Variants in MACC1 observed in about 807,000 individuals in gnomAD.
MACC1 encodes the protein metastasis-associated in colon cancer protein 1.
In MACC1, 79 loss-of-function variants were observed where a neutral mutation model predicts 70.7. The observed-to-expected ratio is 1.12, with a 90% confidence interval of 0.93 to 1.35. MACC1 has a LOEUF of 1.35. MACC1 is among the 40% of genes most tolerant of loss of function. MACC1 has a pLI of 0.00. For synonymous variants in MACC1, 361 were observed against 347.2 expected (o/e 1.04, Z -0.44); for missense variants, 1,106 against 978.1 (o/e 1.13, Z -1.74).
chr7:20,182,835 C>A (rs1488458275), intron 1 of MACC1, among the ~76,000 whole-genome samples: 4 of 152,120 alleles, frequency 2.6e-5, no homozygotes, highest in Non-Finnish European at 4.4e-5. Context: ...ATCCCATTAA[C>A]AATAGCAGCA....
intron 1 of MACC1, among the ~76,000 whole-genome samples, chr7:20,207,089 G>A (rs1782923666): frequency 6.6e-6 from 1 of 151,612 alleles, no homozygotes; most frequent in Non-Finnish European, 1.5e-5. Context: ...TTATTTTTAG[G>A]ATAATCTTTC....
At chr7:20,197,507 T>C (rs981416749) in intron 1 of MACC1, among the ~76,000 whole-genome samples, 2 of 152,246 alleles carry the variant, frequency 1.3e-5, no homozygotes, top group Admixed American at 1.3e-4. Context: ...TTTTTACATG[T>C]TGTCCTGGCT....
rs571285511 is a variant in MACC1, at chr7:20,137,670, A to G, written c.*3276T>C. On this transcript the variant is annotated 3_prime_UTR_variant, in exon 7 of 7. Coordinates refer to ENST00000400331, the MANE Select transcript of MACC1 (RefSeq NM_182762.4). The stretch of plus-strand genomic sequence containing the variant: ...CTTTTAATGATGTCAAAGATGGTAT[A>G]TAAGTGCCTTATTATTTCATTGACT... 7 of 152,364 alleles carry G rather than the reference A, an allele frequency of 4.6e-5. No homozygotes were observed. The East Asian group carries it at 1.3e-3, about 29-fold the overall frequency. 9.4% of individuals were successfully genotyped at this position (152,364 alleles called of 1,614,324 possible). A position where few individuals can be genotyped will look rare whatever the true frequency, so the allele number is the denominator to read the frequency against.
chr7:20,186,892 T>C (rs1227540548), intron 1 of MACC1, among the ~76,000 whole-genome samples: 3 of 152,180 alleles, frequency 2.0e-5, no homozygotes, highest in African/African-American at 4.8e-5. Context: ...GCATAACGTA[T>C]GCTTAGGAGA....
At chr7:20,204,106 G>C (rs1583411677) in intron 1 of MACC1, among the ~76,000 whole-genome samples, 1 of 152,128 alleles carries the variant, frequency 6.6e-6, no homozygotes, top group East Asian at 1.9e-4. Context: ...CTATATTTGG[G>C]TACATATTGA....
chr7:20,209,759 G>A (rs570260587), intron 1 of MACC1, among the ~76,000 whole-genome samples: 3 of 152,274 alleles, frequency 2.0e-5, no homozygotes, highest in African/African-American at 7.2e-5. Flanking sequence ...AAATGATACG[G>A]TTGTGGCTGT....
At chr7:20,171,863 A>T (rs1487021431) in intron 1 of MACC1, among the ~76,000 whole-genome samples, 2 of 152,160 alleles carry the variant, frequency 1.3e-5, no homozygotes, top group African/African-American at 2.4e-5. Context: ...CATCTTCAAA[A>T]TTTCACTTAT....
At chr7:20,179,305 T>C (rs1421047869) in intron 1 of MACC1, among the ~76,000 whole-genome samples, 1 of 152,236 alleles carries the variant, frequency 6.6e-6, no homozygotes, top group African/African-American at 2.4e-5. Context: ...AATTAATTCA[T>C]TTTGATTAAG....
chr7:20,136,292 A>G lies in MACC1; in HGVS notation c.*4654T>C, dbSNP rs1172391965. ...AGCCTTTCATGCTGTACTCATTATG[A>G]CAACAACAATATTTTCTATGAAATT... On this transcript the variant is annotated 3_prime_UTR_variant, in exon 7 of 7. Transcript: ENST00000400331. 6.6e-6 allele frequency: 1 copy of G among 152,186 alleles called. No homozygotes were observed. 9.4% of individuals were successfully genotyped at this position (152,186 alleles called of 1,614,324 possible). A position where few individuals can be genotyped will look rare whatever the true frequency, so the allele number is the denominator to read the frequency against.
intron 1 of MACC1, among the ~76,000 whole-genome samples, chr7:20,202,313 G>A (rs1782845055): frequency 6.6e-6 from 1 of 152,208 alleles, no homozygotes; most frequent in African/African-American, 2.4e-5. Flanking sequence ...ACAGATACAA[G>A]ATTGTGTTTT....
intron 1 of MACC1, among the ~76,000 whole-genome samples, chr7:20,172,659 G>T (rs1268893770): frequency 6.6e-6 from 1 of 152,142 alleles, no homozygotes; most frequent in African/African-American, 2.4e-5. Context: ...AATAGAATAG[G>T]CAGAATTGTC....
Position 20,158,863 on chromosome 7 carries a change from A to C in MACC1, c.1498T>G (p.Phe500Val). The stretch of plus-strand genomic sequence containing the variant: ...GTTGGATCAGGAGTAGTGATAGAGA[A>C]CTGTGCAACTGGTTCACCATTGGGA... The part of the protein sequence containing the change: ...EPPNGEPVAQ[F>V]SITTPDPTPN... Residue 500 changes from phenylalanine (F) to valine (V), a missense_variant, in exon 5 of 7, where the codon TTC becomes GTC. Transcript: ENST00000400331. The C allele has an allele frequency of 6.2e-7, 1 of 1,614,144 alleles. No homozygotes were observed. Among genetic ancestry groups the C allele is most frequent in the Admixed American group, 1.7e-5 (1 of 60,008 alleles).
rs756605380 is a variant in MACC1, at chr7:20,214,766, A to G, written c.-218+2533T>C. Among the ~76,000 whole-genome samples, 61 of 152,320 alleles carry G rather than the reference A, an allele frequency of 4.0e-4. No individual in the cohort carries two copies. The Middle Eastern group carries it at 0.017, about 42-fold the overall frequency. Reference sequence around the variant, plus strand: ...TGAAGAATTGAAACTAAGTCAAAAAATATAACTTTCTCAATCTGTAATCTT... The same window carrying G: ...TGAAGAATTGAAACTAAGTCAAAAAGTATAACTTTCTCAATCTGTAATCTT... On this transcript the variant is annotated intron_variant, in intron 1 of 6. Transcript: ENST00000400331.
At chr7:20,185,071 T>C (rs1165117212) in intron 1 of MACC1, 1 of 152,162 alleles carries the variant, frequency 6.6e-6, no homozygotes, top group Non-Finnish European at 1.5e-5. Context: ...CCATTACTTT[T>C]CAATCTCCTG....
chr7:20,207,336 G>A (rs1782927728), intron 1 of MACC1, among the ~76,000 whole-genome samples: 1 of 150,216 alleles, frequency 6.7e-6, no homozygotes, highest in African/African-American at 2.5e-5. Flanking sequence ...TTTTTTAGTA[G>A]AGACGGGGTT....
intron 1 of MACC1, among the ~76,000 whole-genome samples, chr7:20,192,195 A>C (rs1243343249): frequency 6.6e-6 from 1 of 152,142 alleles, no homozygotes; most frequent in Admixed American, 6.5e-5. Context: ...TTATATCTTT[A>C]TTATTCTTTC....
chr7:20,204,200 G>A (rs780662517), intron 1 of MACC1, among the ~76,000 whole-genome samples: 3 of 152,034 alleles, frequency 2.0e-5, no homozygotes, highest in South Asian at 4.1e-4. Context: ...TGTTGCACAG[G>A]CTGGAGTGTA....
chr7:20,152,727 T>C (rs1216681737), intron 6 of MACC1, among the ~76,000 whole-genome samples: 2 of 152,178 alleles, frequency 1.3e-5, no homozygotes, highest in Non-Finnish European at 2.9e-5. Context: ...TTTGCTGGCC[T>C]CCATCAAGAT....
At chr7:20,143,690 T>G (rs796071475) in intron 6 of MACC1, among the ~76,000 whole-genome samples, 82 of 152,232 alleles carry the variant, frequency 5.4e-4, no homozygotes, top group African/African-American at 1.9e-3. Context: ...CGCCCAGCCC[T>G]ACATTTGGCA....
Sources: allele counts gnomAD v4.1 joint callset (sites outside exome capture counted in the v4.1 genomes callset), GRCh38; gene constraint gnomAD v4.1.1; transcripts MANE v1.5; gene names NCBI Gene and HGNC (gene_info 2026-07-23, HGNC 2026-07-21).